Variants in SNX10 observed in about 807,000 individuals in gnomAD.
SNX10 encodes the protein sorting nexin 10, also known as sorting nexin-10.
In SNX10, 25 loss-of-function variants were observed where a neutral mutation model predicts 28.5. That is an observed-to-expected ratio of 0.88 (90% CI 0.64 to 1.22). The LOEUF is 1.22. SNX10 is among the 50% of genes most tolerant of loss of function. The pLI is 0.00. For missense variants in SNX10, 223 were observed against 242.6 expected, an observed-to-expected ratio of 0.92 and a Z score of 0.54; for synonymous variants, 62 against 81.4, an observed-to-expected ratio of 0.76 and a Z score of 1.28.
chr7:26,328,642 G>A (rs1409182150), intron 1 of SNX10, among the ~76,000 whole-genome samples: 2 of 152,194 alleles, frequency 1.3e-5, no homozygotes, highest in African/African-American at 4.8e-5. Context: ...GAAGCCACAT[G>A]TGATGCCTCA....
chr7:26,320,968 T>G (rs1349684403), intron 1 of SNX10, among the ~76,000 whole-genome samples: 1 of 152,246 alleles, frequency 6.6e-6, no homozygotes, highest in Non-Finnish European at 1.5e-5. Flanking sequence ...ACTCTTCCAG[T>G]TATAAACATG....
intron 1 of SNX10, among the ~76,000 whole-genome samples, chr7:26,294,554 T>C (rs1786038846): frequency 6.6e-6 from 1 of 152,242 alleles, no homozygotes; most frequent in African/African-American, 2.4e-5. Flanking sequence ...TGTGGCAGTC[T>C]CATTAAGCAT....
chr7:26,346,612 A>G (rs1788397539), intron 2 of SNX10, 146 bp downstream of exon 2: 2 of 699,310 alleles, frequency 2.9e-6, no homozygotes, highest in African/African-American at 1.8e-5. Context: ...CTGCTCCTCT[A>G]CTCCCACCAT....
chr7:26,322,529 T>A (rs1413290102), intron 1 of SNX10, among the ~76,000 whole-genome samples: 2 of 152,218 alleles, frequency 1.3e-5, no homozygotes, highest in Admixed American at 1.3e-4. Flanking sequence ...AAGTACTGTT[T>A]AGGAACCCGT....
chr7:26,318,384 T>C (rs1366371919), intron 1 of SNX10, among the ~76,000 whole-genome samples: 1 of 152,194 alleles, frequency 6.6e-6, no homozygotes, highest in African/African-American at 2.4e-5. Flanking sequence ...ATTGGAATAA[T>C]ATCGTTTTTT....
chr7:26,324,926 A>T (rs956537774), intron 1 of SNX10, among the ~76,000 whole-genome samples: 6 of 152,146 alleles, frequency 3.9e-5, no homozygotes, highest in African/African-American at 9.7e-5. Context: ...GTCACAGAAC[A>T]TTTCTTTGGC....
At chr7:26,349,823 T>G (rs566177658) in intron 2 of SNX10, among the ~76,000 whole-genome samples, 2 of 152,360 alleles carry the variant, frequency 1.3e-5, no homozygotes, top group East Asian at 3.9e-4. Flanking sequence ...GTTTGATTTT[T>G]CTACACTACT....
At chr7:26,323,357 A>G (rs537651865) in intron 1 of SNX10, among the ~76,000 whole-genome samples, 1 of 152,190 alleles carries the variant, frequency 6.6e-6, no homozygotes, top group African/African-American at 2.4e-5. Context: ...CTTTGGAAAC[A>G]TGAGCTGAGG....
chr7:26,359,030 A>C (rs1057426068), intron 2 of SNX10, among the ~76,000 whole-genome samples: 36 of 151,460 alleles, frequency 2.4e-4, no homozygotes, highest in Non-Finnish European at 4.1e-4. Context: ...GGTCTCGAAC[A>C]CCCGACCTCT....
chr7:26,309,914 A>G (rs1054512670), intron 1 of SNX10, among the ~76,000 whole-genome samples: 1 of 152,184 alleles, frequency 6.6e-6, no homozygotes, highest in Admixed American at 6.5e-5. Flanking sequence ...GGCCCTTACC[A>G]GGATTAGATG....
chr7:26,295,304 C>T (rs566013517), intron 1 of SNX10, among the ~76,000 whole-genome samples: 48 of 152,134 alleles, frequency 3.2e-4, no homozygotes, highest in African/African-American at 1.0e-3. Flanking sequence ...TCAAGTGATC[C>T]ACCCACCTCA....
intron 3 of SNX10, among the ~76,000 whole-genome samples, chr7:26,361,315 A>G (rs1789058410): frequency 6.6e-6 from 1 of 152,196 alleles, no homozygotes; most frequent in African/African-American, 2.4e-5. Flanking sequence ...GAAGATGTGC[A>G]CGCATCTAAA....
At chr7:26,353,640 CG>C (rs753452581) in intron 2 of SNX10, among the ~76,000 whole-genome samples, 3 of 151,880 alleles carry the variant, frequency 2.0e-5, no homozygotes, top group Non-Finnish European at 4.4e-5. Flanking sequence ...TTAGCAGAGA[CG>C]GGGTTTCACC....
intron 1 of SNX10, among the ~76,000 whole-genome samples, chr7:26,299,448 T>A (rs921076313): frequency 2.6e-4 from 39 of 151,920 alleles, no homozygotes; most frequent in African/African-American, 8.9e-4. Flanking sequence ...CCTCCCAAAG[T>A]GCTGGGATTA....
At chr7:26,302,119 G>A (rs964110546) in intron 1 of SNX10, among the ~76,000 whole-genome samples, 3 of 152,110 alleles carry the variant, frequency 2.0e-5, no homozygotes, top group African/African-American at 7.2e-5. Flanking sequence ...GTGGTGTGAG[G>A]TTATTTTCAT....
chr7:26,351,099 A>C (rs1430025950), intron 2 of SNX10, among the ~76,000 whole-genome samples: 1 of 152,268 alleles, frequency 6.6e-6, no homozygotes, highest in African/African-American at 2.4e-5. Context: ...AATTGAGATC[A>C]TACAGAATTT....
chr7:26,319,767 C>T (rs918326532), intron 1 of SNX10, among the ~76,000 whole-genome samples: 11 of 152,100 alleles, frequency 7.2e-5, no homozygotes, highest in Non-Finnish European at 5.9e-5. Flanking sequence ...AACAAAAATA[C>T]AACCTGATGT....
chr7:26,322,803 T>TA (rs1361415888), intron 1 of SNX10, among the ~76,000 whole-genome samples: 2 of 152,252 alleles, frequency 1.3e-5, no homozygotes, highest in Non-Finnish European at 1.5e-5. Flanking sequence ...ATTCTGCAGT[T>TA]ATTTATTGCC....
chr7:26,360,104 T>G (rs1259773115), intron 2 of SNX10, among the ~76,000 whole-genome samples: 2 of 152,234 alleles, frequency 1.3e-5, no homozygotes, highest in Non-Finnish European at 2.9e-5. Flanking sequence ...GTAGGGGAAA[T>G]GTATTTTAAA....
Sources: gnomAD v4.1 joint callset for allele counts (sites outside exome capture counted in the v4.1 genomes callset) on GRCh38, gnomAD v4.1.1 for gene constraint, MANE v1.5 for transcripts, NCBI Gene and HGNC (gene_info 2026-07-23, HGNC 2026-07-21) for gene names.